MYOM3: variants seen among roughly 807,000 people sequenced by gnomAD.
MYOM3 encodes the protein myomesin 3.
MYOM3 carries 155 observed loss-of-function variants against 191.7 expected under a neutral mutation model. The observed-to-expected ratio is 0.81, with a 90% CI of 0.71 to 0.92. The LOEUF (loss-of-function observed/expected upper bound fraction) is 0.92. MYOM3 is among the 40% of genes least tolerant of loss of function. The pLI is 0.00. For synonymous variants in MYOM3, 757 were observed against 762.9 expected (o/e 0.99, Z 0.13); for missense variants, 1,889 against 1,890.6 (o/e 1.00, Z 0.02).
intron 35 of MYOM3, among the ~76,000 whole-genome samples, chr1:24,059,836 C>T (rs1643346411): frequency 6.6e-6 from 1 of 152,136 alleles, no homozygotes; most frequent in Admixed American, 6.5e-5. Context: ...GCTGTGGGAA[C>T]AGGACGGGTG....
At chr1:24,086,263 C>T (rs944193101) in intron 15 of MYOM3, among the ~76,000 whole-genome samples, 2 of 152,076 alleles carry the variant, frequency 1.3e-5, no homozygotes, top group Admixed American at 1.3e-4. Flanking sequence ...TCAGGTGGGA[C>T]AGCTCAACCC....
At chr1:24,096,884 TTATACG>T (rs1392126764) in intron 7 of MYOM3, among the ~76,000 whole-genome samples, 2 of 152,218 alleles carry the variant, frequency 1.3e-5, no homozygotes, top group Admixed American at 6.5e-5. Context: ...ATGCCAAGGC[TTATACG>T]TATCATCTCA....
At chr1:24,064,050 C>T in intron 30 of MYOM3, 22 bp downstream of exon 30, 2 of 1,598,754 alleles carry the variant, frequency 1.3e-6, no homozygotes, top group Non-Finnish European at 1.7e-6. Flanking sequence ...TCCACAGCCC[C>T]TGACCCATCG....
At chr1:24,062,987 AC>A in intron 32 of MYOM3, 138 bp downstream of exon 32, 1 of 619,014 alleles carries the variant, frequency 1.6e-6, no homozygotes, top group South Asian at 2.0e-5. Context: ...GTCTCTGCTA[AC>A]CCCTGGGACC....
In MYOM3 at chr1:24,111,268, C is replaced by T. The variant is rs935719098; in HGVS notation, c.-19+763G>A. ...TCCCACTGCGTGGCCTTCCCTATTCCCCTCTGCTTTCCTCCCAAGCCTCCA... is the reference window on the plus strand; with the variant it reads ...TCCCACTGCGTGGCCTTCCCTATTCTCCTCTGCTTTCCTCCCAAGCCTCCA... On this transcript the variant is annotated intron_variant, in intron 1 of 36. Transcript: ENST00000374434. The surrounding 1 kb of genome is among the most constrained non-coding windows in gnomAD (Gnocchi z 4.7). Among the ~76,000 whole-genome samples the T allele has an allele frequency of 6.6e-6, 1 of 152,210 alleles. No individual in the cohort carries two copies. Among genetic ancestry groups the T allele is most frequent in the Non-Finnish European group, 1.5e-5 (1 of 68,028 alleles).
chr1:24,092,918 T>C (rs1643857329), intron 10 of MYOM3, 29 bp downstream of exon 10: 1 of 1,485,182 alleles, frequency 6.7e-7, no homozygotes, highest in Non-Finnish European at 8.9e-7. Flanking sequence ...GGGCTCCTGC[T>C]GCTACCCTGC....
intron 5 of MYOM3, among the ~76,000 whole-genome samples, chr1:24,104,370 A>C (rs1017701336): frequency 1.3e-5 from 2 of 152,124 alleles, no homozygotes; most frequent in Non-Finnish European, 2.9e-5. Context: ...CTTTTCACCC[A>C]GACTCTTTGA....
At position 24,062,116 on chromosome 1, in the gene MYOM3, G is replaced by T; in HGVS notation, c.3771-7C>A. On this transcript the variant is annotated splice_polypyrimidine_tract_variant and splice_region_variant and intron_variant, in intron 32 of 36. Transcript: ENST00000374434. ...ACTCTCCAGACGTTTGTCTCTGAAT[G>T]TGAGGGTGGAGAAATGGTTAAGGCT... 6.2e-7 allele frequency: 1 copy of T among 1,613,800 alleles called. No individual in the cohort carries two copies. Among genetic ancestry groups the T allele is most frequent in the Non-Finnish European group, 8.5e-7 (1 of 1,179,840 alleles).
chr1:24,074,327 A>T, intron 22 of MYOM3, 58 bp from the exon 23 acceptor site: 1 of 1,341,462 alleles, frequency 7.5e-7, no homozygotes, highest in Non-Finnish European at 1.1e-6. Context: ...TGTGCACTAG[A>T]GGCCTGGGAG....
rs369377120 is a variant in MYOM3, at chr1:24,068,278, A to G, written c.3240T>C (p.Ala1080=). Reference sequence around the variant, plus strand: ...TTTTGGCTTTTCCATCTTGGAGTTGAGCGGTGTACGACCCTTTGTCCTCCT... The same window carrying G: ...TTTTGGCTTTTCCATCTTGGAGTTGGGCGGTGTACGACCCTTTGTCCTCCT... ...LSEEDKGSYT[A]QLQDGKAKNQ... The change falls in exon 26 of 37, where the codon GCT becomes GCC. Residue 1080 remains alanine (A), a synonymous_variant. Transcript: ENST00000374434. The G allele has an allele frequency of 1.9e-6, 3 of 1,613,974 alleles. No homozygotes were observed. The highest frequency in any genetic ancestry group is 2.5e-6 in the Non-Finnish European group (3 of 1,180,008).
chr1:24,107,985 T>G lies in MYOM3; in HGVS notation c.242+8A>C, dbSNP rs1570890926. The G allele has an allele frequency of 1.9e-6, 3 of 1,611,260 alleles. No individual in the cohort carries two copies. Among genetic ancestry groups the G allele is most frequent in the Non-Finnish European group, 2.5e-6 (3 of 1,178,770 alleles). ...GCCACGGCTCCCTGGGAAGCTTCTC[T>G]GACTCACCAAGACAGCTCGGAGGAG... is the stretch of plus-strand genomic sequence containing the variant. On this transcript the variant is annotated splice_region_variant and intron_variant, in intron 3 of 36. Coordinates refer to ENST00000374434, the MANE Select transcript of MYOM3 (RefSeq NM_152372.4).
rs1643711149 is a variant in MYOM3, at chr1:24,084,415, G to A, written c.1970+53C>T. 3 of 1,578,508 alleles carry A rather than the reference G, an allele frequency of 1.9e-6. No individual in the cohort carries two copies. In the Admixed American group the frequency reaches 5.0e-5, roughly 26 times the overall value. ...TTATAAAAGAAATTACCCAGTCTCA[G>A]GTATGTCTTTATAGCAGTGTGAGAA... On this transcript the variant is annotated intron_variant, in intron 16 of 36. Coordinates refer to ENST00000374434, the MANE Select transcript of MYOM3 (RefSeq NM_152372.4).
chr1:24,108,650 A>G lies in MYOM3; in HGVS notation c.-14T>C. On this transcript the variant is annotated 5_prime_UTR_variant, in exon 2 of 37. Transcript: ENST00000374434. The stretch of plus-strand genomic sequence containing the variant: ...CGGCAGAGTCATGGTTACGAGAGCA[A>G]CAACCTGTGAAGGCCAAGGTCCACG... 1.3e-6 allele frequency: 2 copies of G among 1,538,758 alleles called. No homozygotes were observed. The highest frequency in any genetic ancestry group is 1.7e-6 in the Non-Finnish European group (2 of 1,144,854).
chr1:24,108,595 C>G lies in MYOM3; in HGVS notation c.42G>C (p.Arg14=), dbSNP rs1406502895. 2 of 1,566,970 alleles carry G rather than the reference C, an allele frequency of 1.3e-6. No homozygotes were observed. Residue 14 remains arginine, a synonymous_variant, in exon 2 of 37, where the codon CGG becomes CGC. Coordinates refer to ENST00000374434, the MANE Select transcript of MYOM3 (RefSeq NM_152372.4). ...TGTGAACCTCCATGGCCTGGGGGGG[C>G]CGGGGGTCCCCCGCACCTCCCAAGC... ...PHSLGGAGDP[R]PPQAMEVHRL...
At chr1:24,072,588 G>A (rs1376937601) in intron 23 of MYOM3, among the ~76,000 whole-genome samples, 1 of 152,078 alleles carries the variant, frequency 6.6e-6, no homozygotes, top group South Asian at 2.1e-4. Context: ...AGGCTGGAGT[G>A]CAATGGTGCA....
At chr1:24,093,932 T>C (rs1247615324) in intron 9 of MYOM3, among the ~76,000 whole-genome samples, 1 of 152,060 alleles carries the variant, frequency 6.6e-6, no homozygotes, top group Non-Finnish European at 1.5e-5. Context: ...CCAGCCGTCG[T>C]CCTCCTCCCT....
At chr1:24,083,147 C>A (rs182358697) in intron 16 of MYOM3, 274 of 154,062 alleles carry the variant, frequency 1.8e-3, no homozygotes, top group African/African-American at 6.2e-3. Context: ...TCCAGAGACA[C>A]GCAAGGATGC....
intron 24 of MYOM3, 91 bp from the exon 25 acceptor site, chr1:24,071,344 C>A: frequency 1.7e-5 from 25 of 1,461,740 alleles, no homozygotes; most frequent in Non-Finnish European, 2.3e-5. Context: ...CCCTTGGCAT[C>A]TGACATGCAA....
chr1:24,078,952 C>G (rs1484403827), intron 20 of MYOM3, among the ~76,000 whole-genome samples: 2 of 152,190 alleles, frequency 1.3e-5, no homozygotes, highest in Admixed American at 1.3e-4. Context: ...GAAGTTAAAA[C>G]AACCATCACT....
Sources: gnomAD v4.1 joint callset for allele counts (sites outside exome capture counted in the v4.1 genomes callset) on GRCh38, gnomAD v4.1.1 for gene constraint, Gnocchi (gnomAD v3.1) non-coding constraint, MANE v1.5 for transcripts, NCBI Gene and HGNC (gene_info 2026-07-23, HGNC 2026-07-21) for gene names.